The following FARP2 variants were observed in gnomAD, a reference collection of about 807,000 sequenced individuals.
The protein encoded by FARP2 is FERM, ARH/RhoGEF and pleckstrin domain protein 2.
A neutral mutation model predicts 130.5 loss-of-function variants in FARP2; 111 were observed. The ratio of observed to expected loss-of-function variants is 0.85; its 90% CI spans 0.73 to 1.00. The LOEUF is 1.00. Among genes scored for constraint, FARP2 ranks in the 50% least tolerant of loss-of-function variants. The pLI, the probability that FARP2 is intolerant of heterozygous loss-of-function variation, is 0.00. For missense variants in FARP2, 1,385 were observed against 1,346.3 expected, an observed-to-expected ratio of 1.03 and a Z score of -0.45; for synonymous variants, 504 against 516.9, an observed-to-expected ratio of 0.98 and a Z score of 0.34.
At chr2:241,374,739 G>A (rs1036497403) in intron 2 of FARP2, among the ~76,000 whole-genome samples, 2 of 152,156 alleles carry the variant, frequency 1.3e-5, no homozygotes, top group Non-Finnish European at 2.9e-5. Flanking sequence ...TGAGGAGGAA[G>A]TGAAAGATAA....
chr2:241,371,463 A>G (rs1195435103), intron 1 of FARP2, among the ~76,000 whole-genome samples: 1 of 152,220 alleles, frequency 6.6e-6, no homozygotes, highest in Non-Finnish European at 1.5e-5. Flanking sequence ...CAGCCTGGGC[A>G]ACAGAGCAAG....
intron 2 of FARP2, among the ~76,000 whole-genome samples, chr2:241,402,822 T>G (rs2062205001): frequency 9.5e-6 from 1 of 105,536 alleles, no homozygotes; most frequent in South Asian, 3.7e-4. Flanking sequence ...TGCACGCCAC[T>G]ACACCCAGCT....
At chr2:241,474,351 GAT>G (rs1469280231) in intron 18 of FARP2, among the ~76,000 whole-genome samples, 1 of 107,910 alleles carries the variant, frequency 9.3e-6, no homozygotes, top group Non-Finnish European at 1.9e-5. Context: ...AAAAAAAAAA[GAT>G]AGAGCTGGAA....
At chr2:241,469,405 T>C (rs941261890) in intron 18 of FARP2, among the ~76,000 whole-genome samples, 3 of 152,154 alleles carry the variant, frequency 2.0e-5, no homozygotes, top group African/African-American at 7.2e-5. Flanking sequence ...GTAAATTTTA[T>C]CATTGTCATT....
At chr2:241,448,666 T>C (rs1204285699) in intron 13 of FARP2, among the ~76,000 whole-genome samples, 2 of 152,266 alleles carry the variant, frequency 1.3e-5, no homozygotes, top group South Asian at 2.1e-4. Context: ...CTTGCTGTTA[T>C]AGGTTAGAAC....
chr2:241,474,134 G>A (rs183865764), intron 18 of FARP2, among the ~76,000 whole-genome samples: 7 of 151,208 alleles, frequency 4.6e-5, no homozygotes, highest in East Asian at 2.0e-4. Flanking sequence ...GTGAAACCCC[G>A]TCTCTACTAA....
chr2:241,442,275 C>T (rs116645759), intron 13 of FARP2: 74 of 456,754 alleles, frequency 1.6e-4, no homozygotes, highest in African/African-American at 1.3e-3. Context: ...ACTCAGTCCG[C>T]TCTGAGTCCA....
At chr2:241,466,234 C>A (rs2064165611) in intron 17 of FARP2, 10 of 985,342 alleles carry the variant, frequency 1.0e-5, no homozygotes, top group Non-Finnish European at 1.2e-5. Context: ...CCCTGTCCCC[C>A]TACAGTGCAA....
At chr2:241,384,924 C>G (rs1361008690) in intron 2 of FARP2, among the ~76,000 whole-genome samples, 2 of 152,096 alleles carry the variant, frequency 1.3e-5, no homozygotes, top group Admixed American at 1.3e-4. Flanking sequence ...TAATTTACAT[C>G]AATTGTAAAT....
rs777202097 is a variant in FARP2 at position 241,404,839 on chromosome 2, G to A, written c.329G>A (p.Arg110Gln). 3.7e-6 allele frequency: 6 copies of A among 1,607,552 alleles called. No individual in the cohort carries two copies. Among genetic ancestry groups the A allele is most frequent in the Non-Finnish European group, 5.1e-6 (6 of 1,174,352 alleles). Residue 110 changes from arginine to glutamine, a missense_variant and splice_region_variant, in exon 4 of 27, where the codon CGA becomes CAA. Physicochemically the swap from Arg to Gln is conservative, Grantham distance 43 (BLOSUM62 1). Transcript: ENST00000264042. ...ATGAAACCCATCATTAGGCAAATAC[G>A]AAGTAAGTCCTTGGTTTGACTCTTT... The part of the protein sequence containing the change: ...EPMKPIIRQI[R>Q]RPKNVVLRLA...
At chr2:241,476,695 A>G (rs2064475858) in intron 19 of FARP2, among the ~76,000 whole-genome samples, 1 of 152,188 alleles carries the variant, frequency 6.6e-6, no homozygotes, top group Non-Finnish European at 1.5e-5. Flanking sequence ...GTCTCAAAAT[A>G]AAATAAATAA....
chr2:241,409,038 TGATAGATAGATAGATAGATA>T (rs56030352), intron 5 of FARP2, among the ~76,000 whole-genome samples: 1 of 145,930 alleles, frequency 6.9e-6, no homozygotes, highest in African/African-American at 2.6e-5. Flanking sequence ...GATAGATAGA[TGATAGATAGATAGATAGATA>T]GATAGATAGA....
chr2:241,451,585 C>G (rs548938754), intron 13 of FARP2, among the ~76,000 whole-genome samples: 22 of 152,188 alleles, frequency 1.4e-4, no homozygotes, highest in African/African-American at 4.8e-4. Context: ...AAGGGACTCT[C>G]GAAACTCAGA....
At chr2:241,399,513 T>G (rs2062112553) in intron 2 of FARP2, among the ~76,000 whole-genome samples, 1 of 152,126 alleles carries the variant, frequency 6.6e-6, no homozygotes, top group Admixed American at 6.6e-5. Flanking sequence ...TTTTGTATTT[T>G]TAGTCAGGCT....
chr2:241,435,261 GTTTT>G (rs202038900), intron 11 of FARP2, among the ~76,000 whole-genome samples: 1 of 147,480 alleles, frequency 6.8e-6, no homozygotes. Context: ...CCCCTGGCTA[GTTTT>G]TTTTGTTTTT....
chr2:241,369,874 C>T (rs545355958), intron 1 of FARP2, among the ~76,000 whole-genome samples: 2 of 152,098 alleles, frequency 1.3e-5, no homozygotes, highest in Non-Finnish European at 2.9e-5. Context: ...CATGTTTTCA[C>T]GTTGGAGGAA....
At position 241,441,529 on chromosome 2, in the gene FARP2, G is replaced by A. The variant is rs753336505; in HGVS notation, c.1384G>A (p.Gly462Arg). ...CGACACACCATCGGCCCAGCCCCTC[G>A]GGCCCCCCGCACTCCAGCCTGGTCC... ...GPDTPSAQPL[G>R]PPALQPGPGL... Residue 462 changes from glycine (G) to arginine (R), a missense_variant, in exon 13 of 27, where the codon GGG (glycine) becomes AGG (arginine). By Grantham distance (125) the Gly-to-Arg change is moderately radical. Coordinates refer to ENST00000264042, the MANE Select transcript of FARP2 (RefSeq NM_014808.4). 20 of 1,613,914 alleles carry A rather than the reference G, an allele frequency of 1.2e-5. No individual in the cohort carries two copies. Among genetic ancestry groups the A allele is most frequent in the Middle Eastern group, 1.6e-4 (1 of 6,084 alleles).
At chr2:241,490,987 C>G in intron 22 of FARP2, 74 bp from the exon 23 acceptor site, 1 of 1,158,942 alleles carries the variant, frequency 8.6e-7, no homozygotes, top group Non-Finnish European at 1.3e-6. Context: ...GCCCTGACGG[C>G]TCGCCCTCCC....
chr2:241,434,029 T>C (rs2063156837), intron 9 of FARP2, 129 bp from the exon 10 acceptor site: 1 of 723,962 alleles, frequency 1.4e-6, no homozygotes, highest in South Asian at 1.9e-5. Flanking sequence ...AGCAAGATCC[T>C]GTCTCAAAAA....
Sources: allele counts gnomAD v4.1 joint callset (sites outside exome capture counted in the v4.1 genomes callset), GRCh38; gene constraint gnomAD v4.1.1; transcripts MANE v1.5; gene names NCBI Gene and HGNC (gene_info 2026-07-23, HGNC 2026-07-21).